PRC1: variants seen among roughly 807,000 people sequenced by gnomAD.
PRC1 encodes protein regulator of cytokinesis 1, also known as anaphase spindle elongation 1 homolog.
Under a neutral mutation model 91.2 loss-of-function variants are expected in PRC1, and 54 were observed. The observed-to-expected ratio is 0.59, with a 90% CI of 0.48 to 0.74. The LOEUF is 0.74. PRC1 is among the 30% of genes least tolerant of loss of function. The probability of loss-of-function intolerance (pLI) is 0.00; values close to 1 mark genes in which losing one functional copy is unlikely to be tolerated. For missense variants in PRC1, 727 were observed against 746.2 expected, an observed-to-expected ratio of 0.97 and a Z score of 0.30; for synonymous variants, 275 against 263.6, an observed-to-expected ratio of 1.04 and a Z score of -0.42.
At chr15:90,969,732 A>G in intron 12 of PRC1, 109 bp from the exon 13 acceptor site, 1 of 666,648 alleles carries the variant, frequency 1.5e-6, no homozygotes, top group Non-Finnish European at 2.2e-6. Context: ...ATTCATGTCT[A>G]TAATCCTATA....
Position 90,968,470 on chromosome 15 carries a change from T to A in PRC1, c.1791+609A>T, listed in dbSNP as rs2037737690. ...GCTAGTAAAATATTGAGAGAAGAAATCACAGATTAAGTAAAAGGCAGTGTA... is the reference window on the plus strand; with the variant it reads ...GCTAGTAAAATATTGAGAGAAGAAAACACAGATTAAGTAAAAGGCAGTGTA... On this transcript the variant is annotated intron_variant, in intron 14 of 14. Coordinates refer to ENST00000394249, the MANE Select transcript of PRC1 (RefSeq NM_003981.4). The A allele has an allele frequency of 5.1e-6, 5 of 985,364 alleles. No individual in the cohort carries two copies. In the South Asian group the frequency reaches 1.9e-4, roughly 37 times the overall value. 61.0% of individuals were successfully genotyped at this position (985,364 alleles called of 1,614,324 possible). A position where few individuals can be genotyped will look rare whatever the true frequency, so the allele number is the denominator to read the frequency against.
chr15:90,969,748 T>G, intron 12 of PRC1, 125 bp from the exon 13 acceptor site: 1 of 319,890 alleles, frequency 3.1e-6, no homozygotes, highest in Non-Finnish European at 5.4e-6. Context: ...CTATACTTTT[T>G]AGTTAAAAAA....
rs770872351 is a variant in PRC1, at chr15:90,980,987, C to T, written c.719G>A (p.Arg240His). ...SQNEAVCEGLRTQIRELWDRL... is the reference protein window; with the variant it reads ...SQNEAVCEGLHTQIRELWDRL... ...GTCCCAGAGCTCTCGGATTTGAGTACGCAGCCCCTCACACACTGCTTCATT... is the reference window on the plus strand; with the variant it reads ...GTCCCAGAGCTCTCGGATTTGAGTATGCAGCCCCTCACACACTGCTTCATT... Residue 240 changes from arginine (R) to histidine (H), a missense_variant, in exon 6 of 15, where the codon CGT becomes CAT. By Grantham distance (29) the Arg-to-His change is conservative. Transcript: ENST00000394249. 4.6e-5 allele frequency: 74 copies of T among 1,614,088 alleles called. No homozygotes were observed. Among genetic ancestry groups the T allele is most frequent in the African/African-American group, 2.4e-4 (18 of 74,932 alleles).
rs1295681768 is a variant in PRC1, at chr15:90,981,790, C to A, written c.459G>T (p.Leu153=). 1 of 1,613,996 alleles carries A rather than the reference C, an allele frequency of 6.2e-7. No homozygotes were observed. Among genetic ancestry groups the A allele is most frequent in the Non-Finnish European group, 8.5e-7 (1 of 1,179,880 alleles). Residue 153 remains leucine, a synonymous_variant, in exon 4 of 15, where the codon CTG becomes CTT. Coordinates refer to ENST00000394249, the MANE Select transcript of PRC1 (RefSeq NM_003981.4). ...DSASVPSLEE[L]NQFRQHVTTL... Reference sequence around the variant, plus strand: ...TTGTCACATGTTGCCTGAACTGGTTCAGCTCTTCTAAGCTGGGCACTGAGG... The same window carrying A: ...TTGTCACATGTTGCCTGAACTGGTTAAGCTCTTCTAAGCTGGGCACTGAGG...
chr15:90,982,021 G>T, intron 3 of PRC1, 40 bp from the exon 4 acceptor site: 1 of 1,565,844 alleles, frequency 6.4e-7, no homozygotes, highest in Non-Finnish European at 8.8e-7. Context: ...GATTCCAAGT[G>T]AATTCCTTCA....
intron 11 of PRC1, 87 bp from the exon 12 acceptor site, chr15:90,970,601 T>A: frequency 1.1e-6 from 1 of 922,522 alleles, no homozygotes; most frequent in Non-Finnish European, 1.6e-6. Context: ...GAAATGACTA[T>A]GGGAGGAGGC....
chr15:90,981,459 T>C, intron 5 of PRC1, 40 bp downstream of exon 5: 2 of 1,608,428 alleles, frequency 1.2e-6, no homozygotes, highest in Non-Finnish European at 1.7e-6. Flanking sequence ...AACTGCTATA[T>C]ACTACGGAGA....
At chr15:90,967,234 A>G in intron 14 of PRC1, 32 bp from the exon 15 acceptor site, 1 of 1,565,798 alleles carries the variant, frequency 6.4e-7, no homozygotes. Context: ...CAGTGGCCAT[A>G]CTGCCTCTCT....
At position 90,966,974 on chromosome 15, in the gene PRC1, T is replaced by G; in HGVS notation, c.*157A>C. On this transcript the variant is annotated 3_prime_UTR_variant, in exon 15 of 15. Transcript: ENST00000394249. ...ACTAAACCTATGATGGGCTTTCAAC[T>G]GTAACACTCATTCACATCTTTAAGT... is the stretch of plus-strand genomic sequence containing the variant. 1 of 661,940 alleles carries G rather than the reference T, an allele frequency of 1.5e-6. No homozygotes were observed. The highest frequency in any genetic ancestry group is 2.7e-6 in the Non-Finnish European group (1 of 374,278). 41.0% of individuals were successfully genotyped at this position (661,940 alleles called of 1,614,324 possible). A position where few individuals can be genotyped will look rare whatever the true frequency, so the allele number is the denominator to read the frequency against.
chr15:90,991,120 TAC>T (rs144175088), intron 1 of PRC1, among the ~76,000 whole-genome samples: 7,840 of 151,766 alleles, frequency 0.052, 286 homozygotes, highest in South Asian at 0.15. Context: ...TTGAAAAACT[TAC>T]AGATTTTTAC....
At chr15:90,991,019 C>T (rs556669847) in intron 1 of PRC1, among the ~76,000 whole-genome samples, 13 of 151,812 alleles carry the variant, frequency 8.6e-5, no homozygotes, top group Admixed American at 2.6e-4. Context: ...CCTCGTGATC[C>T]GACCGCCTCG....
chr15:90,970,293 C>T (rs981229247), intron 12 of PRC1, 111 bp downstream of exon 12: 1 of 803,404 alleles, frequency 1.2e-6, no homozygotes, highest in Non-Finnish European at 2.1e-6. Context: ...CTCAGCATCT[C>T]AATAAGAACC....
intron 3 of PRC1, 107 bp from the exon 4 acceptor site, chr15:90,982,088 CAAGT>C (rs1596315266): frequency 2.0e-6 from 2 of 1,017,082 alleles, no homozygotes; most frequent in East Asian, 2.4e-5. Flanking sequence ...GTTAAACTAA[CAAGT>C]AAGTCAACTC....
At position 90,966,111 on chromosome 15, in the gene PRC1, TA is replaced by T; in HGVS notation, c.*1019del. The T allele has an allele frequency of 6.5e-6, 1 of 154,072 alleles. No individual in the cohort carries two copies. Among genetic ancestry groups the T allele is most frequent in the Non-Finnish European group, 1.4e-5 (1 of 69,166 alleles). The allele number at this position is 154,072 out of a possible 1,614,324, so 9.5% of individuals were successfully genotyped here. On this transcript the variant is annotated 3_prime_UTR_variant, in exon 15 of 15. Transcript: ENST00000394249. Reference sequence around the variant, plus strand: ...TTGTATATTTTAAAAACAGGACACGTACTGTATGAGTAAACAGCGTGGCTAA... The same window carrying T: ...TTGTATATTTTAAAAACAGGACACGTCTGTATGAGTAAACAGCGTGGCTAA...
At position 90,991,096 on chromosome 15, in the gene PRC1, G is replaced by C. The variant is rs574256049; in HGVS notation, c.11+3311C>G. Among the ~76,000 whole-genome samples, 4 of 150,368 alleles carry C rather than the reference G, an allele frequency of 2.7e-5. No homozygotes were observed. In the South Asian group the frequency reaches 6.5e-4, roughly 24 times the overall value. On this transcript the variant is annotated intron_variant, in intron 1 of 14. Transcript: ENST00000394249. ...CCGGCCCATAATCTGAAATGTTTTT[G>C]ATTTGTGACTTAATTGAAAAACTTA...
rs139775880 is a variant in PRC1, at chr15:90,979,269, C to G, written c.996G>C (p.Gln332His). 2.5e-6 allele frequency: 4 copies of G among 1,614,146 alleles called. No individual in the cohort carries two copies. The highest frequency in any genetic ancestry group is 2.2e-5 in the South Asian group (2 of 91,082). The change falls in exon 8 of 15, where the codon CAG becomes CAC. Residue 332 changes from glutamine to histidine, a missense_variant. Gln to His is a conservative substitution (Grantham distance 24). Coordinates refer to ENST00000394249, the MANE Select transcript of PRC1 (RefSeq NM_003981.4). ...ACCGCACAATCTCAGCATCGTGGAG[C>G]TGGAGCAGACTTTCTGTGTAGTCCT... ...CAEDYTESLL[Q>H]LHDAEIVRLK...
At position 90,980,288 on chromosome 15, in the gene PRC1, G is replaced by A. The variant is rs1379618205; in HGVS notation, c.924C>T (p.Cys308=). ...RVELVQYWDQ[C]FYSQEQRQAF... is the part of the protein sequence containing the mutation. ...CTTGTCTCTGCTCCTGGCTATAAAA[G>A]CACTGGTCCCAGTACTGAACCAGCT... Residue 308 remains cysteine (C), a synonymous_variant, in exon 7 of 15, where the codon TGC becomes TGT. Transcript: ENST00000394249. 4.3e-6 allele frequency: 7 copies of A among 1,613,608 alleles called. No homozygotes were observed. Among genetic ancestry groups the A allele is most frequent in the Non-Finnish European group, 5.9e-6 (7 of 1,179,930 alleles).
chr15:90,979,710 G>C (rs987952093), intron 7 of PRC1, among the ~76,000 whole-genome samples: 1 of 152,198 alleles, frequency 6.6e-6, no homozygotes, highest in African/African-American at 2.4e-5. Flanking sequence ...CTGGACTCCA[G>C]GAGTCAAGCT....
intron 3 of PRC1, chr15:90,983,562 T>C (rs2039365266): frequency 6.6e-6 from 1 of 152,614 alleles, no homozygotes; most frequent in African/African-American, 2.4e-5. Flanking sequence ...ACATTTCTTC[T>C]GAAGAAGCCA....
Sources: gnomAD v4.1 joint callset for allele counts (sites outside exome capture counted in the v4.1 genomes callset) on GRCh38, gnomAD v4.1.1 for gene constraint, MANE v1.5 for transcripts, NCBI Gene and HGNC (gene_info 2026-07-23, HGNC 2026-07-21) for gene names.